TMEM169: variants seen among roughly 807,000 people sequenced by gnomAD.
TMEM169 encodes the protein transmembrane protein 169.
Under a neutral mutation model 27.3 loss-of-function variants are expected in TMEM169, and 18 were observed. That is an observed-to-expected ratio of 0.66 (90% confidence interval 0.46 to 0.98). The LOEUF is 0.98. Among genes scored for constraint, TMEM169 ranks in the 50% least tolerant of loss-of-function variants. TMEM169 has a pLI of 0.00. For missense variants in TMEM169, 320 were observed against 368.6 expected (o/e 0.87, Z 1.08); for synonymous variants, 136 against 142.1 (o/e 0.96, Z 0.30).
intron 1 of TMEM169, among the ~76,000 whole-genome samples, chr2:216,088,285 C>G (rs1041702875): frequency 2.0e-5 from 3 of 152,056 alleles, no homozygotes; most frequent in African/African-American, 7.2e-5. Flanking sequence ...CGGTGAAACC[C>G]CGTCTCTACT....
chr2:216,099,029 G>A lies in TMEM169; in HGVS notation c.272-891G>A, dbSNP rs1696325946. ...GGAATGTGTGGGGGGCAGCATTTGT[G>A]TGCATGTATGCTGTGTGTATGTGTG... is the stretch of plus-strand genomic sequence containing the variant. On this transcript the variant is annotated intron_variant, in intron 2 of 2. Coordinates refer to ENST00000437356, the MANE Select transcript of TMEM169 (RefSeq NM_001142311.2). This position sits in a 1 kb window ranked among gnomAD's most constrained non-coding sequence, Gnocchi z 5.0. Among the ~76,000 whole-genome samples the A allele has an allele frequency of 6.9e-6, 1 of 145,432 alleles. No individual in the cohort carries two copies. Among genetic ancestry groups the A allele is most frequent in the African/African-American group, 2.6e-5 (1 of 38,890 alleles).
intron 2 of TMEM169, among the ~76,000 whole-genome samples, chr2:216,097,536 C>T (rs953792875): frequency 1.3e-5 from 2 of 152,132 alleles, no homozygotes; most frequent in Non-Finnish European, 2.9e-5. Flanking sequence ...AATCCTGCCA[C>T]TGCACTCCAG....
chr2:216,094,053 G>A (rs987844787), intron 1 of TMEM169, among the ~76,000 whole-genome samples: 1 of 152,146 alleles, frequency 6.6e-6, no homozygotes, highest in Non-Finnish European at 1.5e-5. Context: ...TAAAGGGATG[G>A]CAAATGGTGT....
In TMEM169 at chr2:216,099,042, G is replaced by C. The variant is rs1027065418; in HGVS notation, c.272-878G>C. ...GGCAGCATTTGTGTGCATGTATGCTGTGTGTATGTGTGGTGTGTGTGATGT... is the reference window on the plus strand; with the variant it reads ...GGCAGCATTTGTGTGCATGTATGCTCTGTGTATGTGTGGTGTGTGTGATGT... On this transcript the variant is annotated intron_variant, in intron 2 of 2. Transcript: ENST00000437356. This position sits in a 1 kb window ranked among gnomAD's most constrained non-coding sequence, Gnocchi z 5.0. Among the ~76,000 whole-genome samples the C allele has an allele frequency of 1.3e-4, 19 of 147,738 alleles. No homozygotes were observed. The highest frequency in any genetic ancestry group is 3.8e-4 in the African/African-American group (15 of 39,638).
chr2:216,096,206 T>C lies in TMEM169; in HGVS notation c.243T>C (p.Asp81=). ...ATCAGCCTAAAGAGGAGGAGGGAGA[T>C]GATTTCCTAGACTATCCTGTGGATG... ...GGDQPKEEEG[D]DFLDYPVDDD... Residue 81 remains aspartate, a synonymous_variant, in exon 2 of 3, where the codon GAT becomes GAC. Coordinates refer to ENST00000437356, the MANE Select transcript of TMEM169 (RefSeq NM_001142311.2). The C allele has an allele frequency of 6.2e-7, 1 of 1,614,016 alleles. No individual in the cohort carries two copies. The highest frequency in any genetic ancestry group is 2.2e-5 in the East Asian group (1 of 44,886).
At chr2:216,096,308 A>G (rs1696264081) in intron 2 of TMEM169, 74 bp downstream of exon 2, 5 of 1,494,100 alleles carry the variant, frequency 3.3e-6, no homozygotes, top group South Asian at 1.3e-5. Flanking sequence ...ACAGACAGGC[A>G]TATGCTCACT....
At position 216,102,539 on chromosome 2, in the gene TMEM169, G is replaced by T. The variant is rs1041697512; in HGVS notation, c.*1997G>T. ...AGAACTGCTGCGATGAATCAAACCA[G>T]AGGAGTTTGTCATGCTCCCCACAGA... On this transcript the variant is annotated 3_prime_UTR_variant, in exon 3 of 3. Transcript: ENST00000437356. The T allele has an allele frequency of 3.9e-5, 6 of 152,298 alleles. No individual in the cohort carries two copies. The highest frequency in any genetic ancestry group is 8.8e-5 in the Non-Finnish European group (6 of 68,002). The allele number at this position is 152,298 out of a possible 1,614,324, so 9.4% of individuals were successfully genotyped here.
chr2:216,084,266 T>A (rs1325065445), intron 1 of TMEM169, among the ~76,000 whole-genome samples: 1 of 152,082 alleles, frequency 6.6e-6, no homozygotes, highest in African/African-American at 2.4e-5. Context: ...TCTCGACATT[T>A]AGACTCCCAG....
At chr2:216,088,421 G>A (rs534829635) in intron 1 of TMEM169, among the ~76,000 whole-genome samples, 33 of 152,314 alleles carry the variant, frequency 2.2e-4, no homozygotes, top group Non-Finnish European at 4.0e-4. Flanking sequence ...CTGAGATCAC[G>A]CCACTACACT....
At chr2:216,084,896 G>A (rs1168794846) in intron 1 of TMEM169, among the ~76,000 whole-genome samples, 1 of 152,180 alleles carries the variant, frequency 6.6e-6, no homozygotes, top group African/African-American at 2.4e-5. Context: ...GTGGCAGGAT[G>A]GGGAGGTCCT....
In TMEM169 at chr2:216,099,278, T is replaced by C. The variant is rs1696332924; in HGVS notation, c.272-642T>C. On this transcript the variant is annotated intron_variant, in intron 2 of 2. Transcript: ENST00000437356. This position sits in a 1 kb window ranked among gnomAD's most constrained non-coding sequence, Gnocchi z 5.0. Reference sequence around the variant, plus strand: ...TATGTGGTATGTGTGATGTGCATGGTGTGTGGTGTGTGGTGTGTGTATGGG... The same window carrying C: ...TATGTGGTATGTGTGATGTGCATGGCGTGTGGTGTGTGGTGTGTGTATGGG... 6.7e-6 allele frequency among the ~76,000 whole-genome samples: 1 copy of C among 149,024 alleles called. No individual in the cohort carries two copies. The highest frequency in any genetic ancestry group is 2.6e-5 in the African/African-American group (1 of 39,012).
intron 1 of TMEM169, among the ~76,000 whole-genome samples, chr2:216,084,285 T>G (rs945223660): frequency 1.3e-5 from 2 of 152,010 alleles, no homozygotes; most frequent in African/African-American, 2.4e-5. Context: ...AGAATCTCAG[T>G]GCTGAGAGAA....
rs530411569 is a variant in TMEM169 at position 216,094,990 on chromosome 2, T to A, written c.-126-848T>A. On this transcript the variant is annotated intron_variant, in intron 1 of 2. Transcript: ENST00000437356. ...AAGGTAGACACAGTTGGTGAGGTTG[T>A]ACCATTTGAGTGGCTTGCTTAATGT... Among the ~76,000 whole-genome samples the A allele has an allele frequency of 5.3e-5, 8 of 152,304 alleles. No homozygotes were observed. In the East Asian group the frequency reaches 1.3e-3, roughly 26 times the overall value.
At chr2:216,086,973 T>G (rs1696013845) in intron 1 of TMEM169, among the ~76,000 whole-genome samples, 1 of 152,210 alleles carries the variant, frequency 6.6e-6, no homozygotes. Flanking sequence ...CATTTTATAC[T>G]GGGCCATTCA....
intron 1 of TMEM169, among the ~76,000 whole-genome samples, chr2:216,085,007 G>T (rs906642574): frequency 6.6e-6 from 1 of 152,078 alleles, no homozygotes; most frequent in Non-Finnish European, 1.5e-5. Flanking sequence ...TTATTTATTT[G>T]ACATGGAGTC....
Position 216,101,472 on chromosome 2 carries a change from T to G in TMEM169, c.*930T>G, listed in dbSNP as rs559118090. ...AGGAAGAATGGTTATTTGGGTTTTG[T>G]TTTGTTTTGTTTTGTTTCGCTTTAG... On this transcript the variant is annotated 3_prime_UTR_variant, in exon 3 of 3. Transcript: ENST00000437356. 3.9e-5 allele frequency: 6 copies of G among 152,356 alleles called. No homozygotes were observed. The highest frequency in any genetic ancestry group is 1.4e-4 in the African/African-American group (6 of 41,558). The allele number at this position is 152,356 out of a possible 1,614,324, so 9.4% of individuals were successfully genotyped here. A position where few individuals can be genotyped will look rare whatever the true frequency, so the allele number is the denominator to read the frequency against.
intron 1 of TMEM169, among the ~76,000 whole-genome samples, chr2:216,084,328 T>C (rs1172184539): frequency 6.6e-6 from 1 of 152,160 alleles, no homozygotes; most frequent in Non-Finnish European, 1.5e-5. Flanking sequence ...GCCCCTACCT[T>C]GAAGCAAAAC....
chr2:216,100,493 C>T lies in TMEM169; in HGVS notation c.845C>T (p.Thr282Ile). ...CTTGAATCCGACAATATCTCAAGCA[C>T]TCTCTCCAACAAGGACCCCATCCAA... ...ELLESDNISS[T>I]LSNKDPIQEV... is the part of the protein sequence containing the mutation. The change falls in exon 3 of 3, where the codon ACT (threonine) becomes ATT (isoleucine). Residue 282 changes from threonine to isoleucine, a missense_variant. Thr to Ile is a moderately conservative substitution (Grantham distance 89, BLOSUM62 -1). Coordinates refer to ENST00000437356, the MANE Select transcript of TMEM169 (RefSeq NM_001142311.2). The T allele has an allele frequency of 2.5e-6, 4 of 1,614,122 alleles. No homozygotes were observed. The highest frequency in any genetic ancestry group is 3.4e-6 in the Non-Finnish European group (4 of 1,180,028).
rs112664969 is a variant in TMEM169 at position 216,099,839 on chromosome 2, T to A, written c.272-81T>A. 3.3e-6 allele frequency: 5 copies of A among 1,534,144 alleles called. No homozygotes were observed. In the South Asian group the frequency reaches 6.5e-5, roughly 20 times the overall value. ...GTAAAAAAGGCTACTCTTGTCCTCA[T>A]GCCCAGCCTGGGAGGGTGCAACATG... On this transcript the variant is annotated intron_variant, in intron 2 of 2. Transcript: ENST00000437356. The surrounding 1 kb of genome is among the most constrained non-coding windows in gnomAD (Gnocchi z 5.0).
Sources: gnomAD v4.1 joint callset for allele counts (sites outside exome capture counted in the v4.1 genomes callset) on GRCh38, gnomAD v4.1.1 for gene constraint, Gnocchi (gnomAD v3.1) non-coding constraint, MANE v1.5 for transcripts, NCBI Gene and HGNC (gene_info 2026-07-23, HGNC 2026-07-21) for gene names.